Variants in FAM227B observed in about 807,000 individuals in gnomAD.
The protein encoded by FAM227B is family with sequence similarity 227 member B, also known as protein FAM227B.
Under a neutral mutation model 73.8 loss-of-function variants are expected in FAM227B, and 88 were observed. That is an observed-to-expected ratio of 1.19 (90% confidence interval 1.00 to 1.42). The LOEUF is 1.42. FAM227B is among the 40% of genes most tolerant of loss of function. FAM227B has a pLI of 0.00. For missense variants in FAM227B, 632 were observed against 590.9 expected, an observed-to-expected ratio of 1.07 and a Z score of -0.72; for synonymous variants, 210 against 190.5, an observed-to-expected ratio of 1.10 and a Z score of -0.84.
intron 11 of FAM227B, among the ~76,000 whole-genome samples, chr15:49,437,727 C>T (rs553035638): frequency 1.1e-4 from 17 of 151,634 alleles, no homozygotes; most frequent in South Asian, 2.1e-4. Context: ...GCATATATTA[C>T]GTATTATGTA....
At chr15:49,465,868 C>T (rs1466491442) in intron 11 of FAM227B, among the ~76,000 whole-genome samples, 1 of 152,144 alleles carries the variant, frequency 6.6e-6, no homozygotes, top group Non-Finnish European at 1.5e-5. Flanking sequence ...CATATGCCAA[C>T]TTATAATTTG....
chr15:49,337,037 G>C (rs1363219549), intron 13 of FAM227B, among the ~76,000 whole-genome samples: 1 of 152,180 alleles, frequency 6.6e-6, no homozygotes, highest in Non-Finnish European at 1.5e-5. Context: ...CTTTATTTAT[G>C]ACTATGTAGA....
intron 11 of FAM227B, among the ~76,000 whole-genome samples, chr15:49,376,467 C>T (rs2046170310): frequency 6.6e-6 from 1 of 152,046 alleles, no homozygotes; most frequent in Admixed American, 6.6e-5. Context: ...CAGTCTATTT[C>T]ATTTACCTAT....
At chr15:49,504,608 A>G (rs945508892) in intron 11 of FAM227B, among the ~76,000 whole-genome samples, 2 of 152,018 alleles carry the variant, frequency 1.3e-5, no homozygotes, top group African/African-American at 4.8e-5. Flanking sequence ...TAAAGTTTAA[A>G]AAAAAAAAGT....
intron 7 of FAM227B, chr15:49,576,516 G>A (rs1288126376): frequency 2.5e-6 from 1 of 406,244 alleles, no homozygotes; most frequent in Non-Finnish European, 4.4e-6. Context: ...TGCCAAGCCA[G>A]TGTACGCTAG....
intron 11 of FAM227B, among the ~76,000 whole-genome samples, chr15:49,495,198 G>C (rs1357477954): frequency 6.6e-6 from 1 of 152,174 alleles, no homozygotes; most frequent in African/African-American, 2.4e-5. Flanking sequence ...GGAGGTATTT[G>C]CAGGCGATCT....
intron 9 of FAM227B, among the ~76,000 whole-genome samples, chr15:49,543,035 T>G (rs2071308136): frequency 6.6e-6 from 1 of 152,200 alleles, no homozygotes. Flanking sequence ...GTAGTGGGAT[T>G]GCTGGATCAA....
chr15:49,371,815 G>A (rs2045836986), intron 11 of FAM227B, among the ~76,000 whole-genome samples: 3 of 135,912 alleles, frequency 2.2e-5, no homozygotes, highest in East Asian at 2.3e-4. Flanking sequence ...ATAAATAAAT[G>A]AAATAAAATT....
At chr15:49,431,541 T>A (rs931267849) in intron 11 of FAM227B, among the ~76,000 whole-genome samples, 7 of 151,556 alleles carry the variant, frequency 4.6e-5, no homozygotes, top group African/African-American at 1.2e-4. Flanking sequence ...AGGAAAAAAA[T>A]TTGATGTATA....
intron 11 of FAM227B, chr15:49,434,270 T>C (rs2050884100): frequency 6.6e-6 from 1 of 151,580 alleles, no homozygotes; most frequent in Non-Finnish European, 1.5e-5. Context: ...ATATGCAAAA[T>C]TTTAAAGGTT....
intron 11 of FAM227B, among the ~76,000 whole-genome samples, chr15:49,426,536 C>T (rs900544401): frequency 8.6e-5 from 13 of 151,842 alleles, no homozygotes; most frequent in African/African-American, 2.4e-4. Context: ...AACTGGAATA[C>T]ATTTGCATAT....
intron 3 of FAM227B, among the ~76,000 whole-genome samples, chr15:49,595,648 A>C (rs1397944724): frequency 1.3e-5 from 2 of 151,916 alleles, no homozygotes; most frequent in Non-Finnish European, 2.9e-5. Flanking sequence ...TTTAATCATA[A>C]AGGGATGCTG....
chr15:49,476,220 TTTTTGTTTTTGG>T lies in FAM227B; in HGVS notation c.1012+31979_1012+31990del, dbSNP rs1376123888. On this transcript the variant is annotated intron_variant, in intron 11 of 15. Coordinates refer to ENST00000299338, the MANE Select transcript of FAM227B (RefSeq NM_152647.3). ...TTCCTATTTATTTTGCTGTTTTGTT[TTTTTGTTTTTGG>T]TTTTTTTTTTTTTGCATTTGGCATA... 4.7e-4 allele frequency among the ~76,000 whole-genome samples: 55 copies of T among 117,464 alleles called. 2 individuals are homozygous for T. The South Asian group carries it at 0.013, about 28-fold the overall frequency. 77.1% of individuals were successfully genotyped at this position (117,464 alleles called of 152,430 possible). A position where few individuals can be genotyped will look rare whatever the true frequency, so the allele number is the denominator to read the frequency against.
intron 9 of FAM227B, among the ~76,000 whole-genome samples, chr15:49,552,143 C>G (rs2073107629): frequency 6.6e-6 from 1 of 152,106 alleles, no homozygotes; most frequent in Admixed American, 6.5e-5. Flanking sequence ...AATTGAAGTC[C>G]TCCCTTTAGC....
At chr15:49,521,983 C>A (rs2059822859) in intron 10 of FAM227B, among the ~76,000 whole-genome samples, 2 of 152,080 alleles carry the variant, frequency 1.3e-5, no homozygotes, top group African/African-American at 4.8e-5. Flanking sequence ...CAGTCTTAAG[C>A]ACCACCTACT....
chr15:49,471,528 ATAATAT>A (rs1437598039), intron 11 of FAM227B, among the ~76,000 whole-genome samples: 5 of 143,468 alleles, frequency 3.5e-5, no homozygotes, highest in African/African-American at 7.7e-5. Context: ...AATAATAATA[ATAATAT>A]GGCAAATGTA....
rs142934136 is a variant in FAM227B at position 49,474,823 on chromosome 15, G to A, written c.1012+33388C>T. Among the ~76,000 whole-genome samples, 22 of 152,188 alleles carry A rather than the reference G, an allele frequency of 1.4e-4. No individual in the cohort carries two copies. In the East Asian group the frequency reaches 3.3e-3, roughly 23 times the overall value. On this transcript the variant is annotated intron_variant, in intron 11 of 15. Transcript: ENST00000299338. ...GCCAGGGATCTAGGTTGCGTGCTCC[G>A]TACGAAAATCTCACTAATGCCTGAC...
At chr15:49,481,332 T>C (rs2055925416) in intron 11 of FAM227B, among the ~76,000 whole-genome samples, 1 of 152,266 alleles carries the variant, frequency 6.6e-6, no homozygotes, top group East Asian at 1.9e-4. Context: ...AATGAATTTC[T>C]TCAGTATTTT....
intron 9 of FAM227B, among the ~76,000 whole-genome samples, chr15:49,563,263 C>T (rs2074395392): frequency 6.6e-6 from 1 of 151,820 alleles, no homozygotes; most frequent in South Asian, 2.1e-4. Flanking sequence ...AAATAAAATA[C>T]CCAGGAATGC....
Sources: allele counts gnomAD v4.1 joint callset (sites outside exome capture counted in the v4.1 genomes callset), GRCh38; gene constraint gnomAD v4.1.1; transcripts MANE v1.5; gene names NCBI Gene and HGNC (gene_info 2026-07-23, HGNC 2026-07-21).